The following EYS variants were observed in gnomAD, a reference collection of about 807,000 sequenced individuals.
The protein encoded by EYS is protein eyes shut homolog.
EYS carries 250 observed loss-of-function variants against 282.1 expected under a neutral mutation model. That is an observed-to-expected ratio of 0.89 (90% CI 0.80 to 0.98). The LOEUF (loss-of-function observed/expected upper bound fraction) is 0.98, where lower values mean the gene tolerates loss of function less well. EYS is among the 50% of genes least tolerant of loss of function. The pLI is 0.00. For synonymous variants in EYS, 1,355 were observed against 1,282.9 expected, an observed-to-expected ratio of 1.06 and a Z score of -1.20; for missense variants, 4,016 against 3,709.0, an observed-to-expected ratio of 1.08 and a Z score of -2.15.
At chr6:65,600,237 T>A (rs1248136116) in intron 2 of EYS, among the ~76,000 whole-genome samples, 1 of 152,006 alleles carries the variant, frequency 6.6e-6, no homozygotes, top group Non-Finnish European at 1.5e-5. Context: ...GAACCCAGGG[T>A]GGTTCCAAAA....
chr6:64,571,351 C>T (rs557680288), intron 26 of EYS, among the ~76,000 whole-genome samples: 32 of 152,230 alleles, frequency 2.1e-4, no homozygotes, highest in Middle Eastern at 3.4e-3. Flanking sequence ...AATACCCTAA[C>T]ATCACAATTA....
At chr6:64,475,356 C>T (rs1376874129) in intron 26 of EYS, among the ~76,000 whole-genome samples, 2 of 75,272 alleles carry the variant, frequency 2.7e-5, no homozygotes, top group African/African-American at 8.1e-5. Context: ...TCGAGACCAT[C>T]CCGGCTAAAA....
At chr6:65,314,596 GTGTGTGTGT>G (rs2150300821) in intron 11 of EYS, among the ~76,000 whole-genome samples, 1 of 147,676 alleles carries the variant, frequency 6.8e-6, no homozygotes, top group Admixed American at 6.9e-5. Context: ...GTGTGTGTGT[GTGTGTGTGT>G]GTGTTTTCCA....
chr6:65,062,659 T>C (rs1773613684), intron 12 of EYS, among the ~76,000 whole-genome samples: 1 of 151,972 alleles, frequency 6.6e-6, no homozygotes, highest in Admixed American at 6.6e-5. Context: ...CCAGCCACAC[T>C]GAACTTCTTT....
intron 26 of EYS, among the ~76,000 whole-genome samples, chr6:64,584,443 A>C (rs2149826730): frequency 6.6e-6 from 1 of 151,800 alleles, no homozygotes; most frequent in African/African-American, 2.4e-5. Context: ...ATTTTCTAAA[A>C]TTGAAATTAT....
At chr6:65,342,399 T>G (rs1770232120) in intron 10 of EYS, among the ~76,000 whole-genome samples, 1 of 151,056 alleles carries the variant, frequency 6.6e-6, no homozygotes, top group African/African-American at 2.4e-5. Flanking sequence ...ATTAGAATGT[T>G]TTATTGATGA....
chr6:64,908,387 C>T (rs2150074669), intron 16 of EYS, among the ~76,000 whole-genome samples: 1 of 152,186 alleles, frequency 6.6e-6, no homozygotes, highest in South Asian at 2.1e-4. Context: ...CCTTTAGTTC[C>T]ACCATTCACA....
At chr6:64,031,397 C>T (rs116359811) in intron 33 of EYS, among the ~76,000 whole-genome samples, 32 of 152,276 alleles carry the variant, frequency 2.1e-4, no homozygotes, top group African/African-American at 6.7e-4. Flanking sequence ...TGAGCCACAC[C>T]CCCAACCCCC....
At chr6:63,816,937 T>C (rs1395003838) in intron 36 of EYS, among the ~76,000 whole-genome samples, 1 of 152,234 alleles carries the variant, frequency 6.6e-6, no homozygotes, top group African/African-American at 2.4e-5. Context: ...AGTGTCACCC[T>C]TCTTTCCCAA....
At chr6:64,710,513 T>C (rs1262694246) in intron 22 of EYS, among the ~76,000 whole-genome samples, 1 of 152,218 alleles carries the variant, frequency 6.6e-6, no homozygotes, top group East Asian at 1.9e-4. Flanking sequence ...AACCTGGAAT[T>C]GGGCCCTTGA....
chr6:64,849,736 G>A (rs2181544), intron 19 of EYS, among the ~76,000 whole-genome samples: 84,313 of 151,584 alleles, frequency 0.56, 24,179 homozygotes, highest in Non-Finnish European at 0.62. Context: ...TCCTTGTTGA[G>A]TGTTAATCAC....
Position 65,148,730 on chromosome 6 carries a change from G to C in EYS, c.2024-91003C>G, listed in dbSNP as rs369741373. ...CTGTTCTAGCAGAGGTTCTCCATGA[G>C]GTCTCCACCCCTGCAGCAAACTTCA... On this transcript the variant is annotated intron_variant, in intron 12 of 42. Transcript: ENST00000503581. Among the ~76,000 whole-genome samples the C allele has an allele frequency of 2.4e-3, 368 of 152,146 alleles. 2 individuals are homozygous for C. Among genetic ancestry groups the C allele is most frequent in the Middle Eastern group, 0.014 (4 of 294 alleles).
At chr6:63,881,181 G>A (rs1018347962) in intron 35 of EYS, among the ~76,000 whole-genome samples, 4 of 152,082 alleles carry the variant, frequency 2.6e-5, no homozygotes, top group African/African-American at 7.2e-5. Context: ...TGGGGGGATC[G>A]TTTTAAGCTT....
At chr6:64,812,767 G>A (rs564678336) in intron 22 of EYS, among the ~76,000 whole-genome samples, 1 of 126,978 alleles carries the variant, frequency 7.9e-6, no homozygotes, top group South Asian at 2.6e-4. Flanking sequence ...TTTAATACCT[G>A]GGTTCGGTTA....
At chr6:63,866,261 ATGT>A (rs1254047816) in intron 35 of EYS, among the ~76,000 whole-genome samples, 2 of 152,288 alleles carry the variant, frequency 1.3e-5, no homozygotes, top group East Asian at 3.9e-4. Context: ...TAGAAACTTA[ATGT>A]TGTTTGGGGG....
At chr6:65,056,821 C>A (rs1178275112) in intron 13 of EYS, among the ~76,000 whole-genome samples, 3 of 151,880 alleles carry the variant, frequency 2.0e-5, no homozygotes, top group Admixed American at 1.3e-4. Context: ...AATAACATTT[C>A]TCATTTAAAT....
At chr6:65,593,578 C>A (rs1006055972) in intron 2 of EYS, among the ~76,000 whole-genome samples, 1 of 151,962 alleles carries the variant, frequency 6.6e-6, no homozygotes, top group Admixed American at 6.6e-5. Flanking sequence ...CAAGGTGTCT[C>A]TCATATGCAT....
intron 29 of EYS, among the ~76,000 whole-genome samples, chr6:64,385,314 C>G (rs1333006136): frequency 3.9e-5 from 6 of 152,128 alleles, no homozygotes; most frequent in African/African-American, 1.4e-4. Flanking sequence ...GATACATATT[C>G]TAGCACACAC....
At chr6:65,467,360 A>C (rs1408342322) in intron 5 of EYS, among the ~76,000 whole-genome samples, 1 of 152,148 alleles carries the variant, frequency 6.6e-6, no homozygotes, top group Admixed American at 6.6e-5. Flanking sequence ...GAATGAATAC[A>C]AGATTTCCAC....
Sources: gnomAD v4.1 joint callset for allele counts (sites outside exome capture counted in the v4.1 genomes callset) on GRCh38, gnomAD v4.1.1 for gene constraint, MANE v1.5 for transcripts, NCBI Gene and HGNC (gene_info 2026-07-23, HGNC 2026-07-21) for gene names.